Variants in CLASP2 observed in about 807,000 individuals in gnomAD.
CLASP2 encodes the protein cytoplasmic linker associated protein 2.
Under a neutral mutation model 194.4 loss-of-function variants are expected in CLASP2, and 47 were observed. That is an observed-to-expected ratio of 0.24 (90% confidence interval 0.19 to 0.31). CLASP2 has a LOEUF of 0.31. Among genes scored for constraint, CLASP2 ranks in the 10% least tolerant of loss-of-function variants. The probability of loss-of-function intolerance (pLI) is 1.00; values close to 1 mark genes in which losing one functional copy is unlikely to be tolerated. For missense variants in CLASP2, 1,445 were observed against 1,823.6 expected (o/e 0.79, Z 3.78); for synonymous variants, 619 against 633.5 (o/e 0.98, Z 0.34).
At chr3:33,543,287 T>C in intron 32 of CLASP2, 146 bp downstream of exon 32, 1 of 572,090 alleles carries the variant, frequency 1.7e-6, no homozygotes. Flanking sequence ...GCAGGAGAAC[T>C]GCTTGAACCT....
intron 23 of CLASP2, among the ~76,000 whole-genome samples, chr3:33,579,557 T>C (rs2065577901): frequency 6.6e-6 from 1 of 152,076 alleles, no homozygotes; most frequent in South Asian, 2.1e-4. Context: ...GTTTCTAGGG[T>C]AAGTGATTAG....
intron 1 of CLASP2, among the ~76,000 whole-genome samples, chr3:33,714,283 T>G (rs1021634338): frequency 3.9e-5 from 6 of 152,232 alleles, no homozygotes. Flanking sequence ...TTAGTAAAAG[T>G]CAAATGTCAG....
rs2077228750 is a variant in CLASP2, at chr3:33,622,251, A to G, written c.1065T>C (p.Ala355=). 1 of 1,516,108 alleles carries G rather than the reference A, an allele frequency of 6.6e-7. No homozygotes were observed. The highest frequency in any genetic ancestry group is 8.8e-7 in the Non-Finnish European group (1 of 1,131,282). The allele number at this position is 1,516,108 out of a possible 1,614,324, so 93.9% of individuals were successfully genotyped here. A position where few individuals can be genotyped will look rare whatever the true frequency, so the allele number is the denominator to read the frequency against. The change falls in exon 11 of 39, where the codon GCT becomes GCC. Residue 355 remains alanine (A), a synonymous_variant. Coordinates refer to ENST00000682230, the MANE Select transcript of CLASP2 (RefSeq NM_001365631.1). ...AAAAGCAATCATACTGTGCAGCTCCAGCAACAAGCAGTGATCGAATTTTCT... is the reference window on the plus strand; with the variant it reads ...AAAAGCAATCATACTGTGCAGCTCCGGCAACAAGCAGTGATCGAATTTTCT... ...ALKKIRSLLV[A]GAAQYDCFFQ... is the part of the protein sequence containing the mutation.
At chr3:33,668,047 G>A (rs1559581644) in intron 6 of CLASP2, among the ~76,000 whole-genome samples, 1 of 151,934 alleles carries the variant, frequency 6.6e-6, no homozygotes, top group Admixed American at 6.6e-5. Context: ...GTGAAACCCC[G>A]TCTCTACTAA....
intron 7 of CLASP2, among the ~76,000 whole-genome samples, chr3:33,651,527 A>G (rs1439757401): frequency 6.6e-6 from 1 of 152,062 alleles, no homozygotes; most frequent in Non-Finnish European, 1.5e-5. Flanking sequence ...GAATTCCAAA[A>G]CACAAGTGGT....
intron 14 of CLASP2, among the ~76,000 whole-genome samples, chr3:33,608,077 C>T (rs748386189): frequency 4.6e-5 from 7 of 152,190 alleles, no homozygotes; most frequent in Non-Finnish European, 7.3e-5. Flanking sequence ...CACCAATCAG[C>T]TGCCCACATT....
At chr3:33,647,984 G>A (rs1239256227) in intron 7 of CLASP2, among the ~76,000 whole-genome samples, 1 of 151,598 alleles carries the variant, frequency 6.6e-6, no homozygotes, top group African/African-American at 2.4e-5. Flanking sequence ...AGTGAGCTGA[G>A]ATCGCACCAC....
rs1221784883 is a variant in CLASP2 at position 33,619,586 on chromosome 3, C to T, written c.1317+17G>A. ...GGGGGGAGGAGGCAGCAGTAGAAAA[C>T]GAGAGAGCAAACCTACCCGAATGAT... On this transcript the variant is annotated intron_variant, in intron 12 of 38. Transcript: ENST00000682230. 3.2e-5 allele frequency: 49 copies of T among 1,539,090 alleles called. No homozygotes were observed. The highest frequency in any genetic ancestry group is 1.1e-5 in the Non-Finnish European group (12 of 1,141,888).
intron 29 of CLASP2, among the ~76,000 whole-genome samples, chr3:33,557,148 AT>A (rs1207670208): frequency 2.0e-5 from 3 of 150,920 alleles, no homozygotes; most frequent in Non-Finnish European, 4.4e-5. Flanking sequence ...TAATTTTTGT[AT>A]TTTCAGTAGA....
chr3:33,687,731 T>C (rs2090867323), intron 4 of CLASP2, among the ~76,000 whole-genome samples: 1 of 152,158 alleles, frequency 6.6e-6, no homozygotes, highest in Non-Finnish European at 1.5e-5. Flanking sequence ...GCATAGAACC[T>C]AAAAAAATAA....
rs1170601285 is a variant in CLASP2, at chr3:33,627,291, C to G, written c.943-211G>C. ...TTGTTACCATTTTTGCTATTTCTTC[C>G]CTCATGAATAACTTCAAATATGCTC... On this transcript the variant is annotated intron_variant, in intron 9 of 38. Coordinates refer to ENST00000682230, the MANE Select transcript of CLASP2 (RefSeq NM_001365631.1). 7.5e-6 allele frequency: 4 copies of G among 533,402 alleles called. No homozygotes were observed. The East Asian group carries it at 1.4e-4, about 18-fold the overall frequency. 33.0% of individuals were successfully genotyped at this position (533,402 alleles called of 1,614,324 possible). A position where few individuals can be genotyped will look rare whatever the true frequency, so the allele number is the denominator to read the frequency against.
chr3:33,631,560 G>T (rs2079085275), intron 9 of CLASP2, among the ~76,000 whole-genome samples: 1 of 152,114 alleles, frequency 6.6e-6, no homozygotes, highest in Admixed American at 6.6e-5. Context: ...AGCTGGGCAT[G>T]GTGCAGGGCG....
chr3:33,581,048 A>AT (rs2066005899), intron 23 of CLASP2, among the ~76,000 whole-genome samples: 2 of 151,364 alleles, frequency 1.3e-5, no homozygotes, highest in African/African-American at 4.8e-5. Context: ...AAGAAAAAAA[A>AT]GAAAAAGAAG....
At chr3:33,562,205 CCAGA>C (rs1396957254) in intron 27 of CLASP2, among the ~76,000 whole-genome samples, 3 of 152,258 alleles carry the variant, frequency 2.0e-5, no homozygotes, top group East Asian at 3.9e-4. Context: ...TCTCTGGTCC[CCAGA>C]CAGTGTGTGC....
chr3:33,686,385 C>A (rs1418338893), intron 5 of CLASP2, among the ~76,000 whole-genome samples: 1 of 152,108 alleles, frequency 6.6e-6, no homozygotes. Context: ...CAAGCTTTAC[C>A]GCCTGAACTC....
intron 13 of CLASP2, among the ~76,000 whole-genome samples, chr3:33,609,223 T>C (rs1354076298): frequency 1.3e-5 from 2 of 152,042 alleles, no homozygotes; most frequent in African/African-American, 4.8e-5. Flanking sequence ...GAGGTTGCAG[T>C]GAGCCGAGAT....
intron 30 of CLASP2, 116 bp downstream of exon 30, chr3:33,551,136 T>C: frequency 1.2e-6 from 1 of 848,970 alleles, no homozygotes; most frequent in Non-Finnish European, 1.7e-6. Flanking sequence ...TAAAAAGCTC[T>C]TCATAACTCA....
chr3:33,644,490 C>A, intron 8 of CLASP2: 1 of 360,666 alleles, frequency 2.8e-6, no homozygotes, highest in African/African-American at 2.1e-5. Flanking sequence ...CCCCAAAAAA[C>A]TTCCATAAAT....
intron 1 of CLASP2, among the ~76,000 whole-genome samples, chr3:33,705,708 G>A (rs1469426056): frequency 6.6e-6 from 1 of 152,046 alleles, no homozygotes; most frequent in Non-Finnish European, 1.5e-5. Context: ...GAAAAGACAT[G>A]CAAAAATTAT....
Sources: gnomAD v4.1 joint callset for allele counts (sites outside exome capture counted in the v4.1 genomes callset) on GRCh38, gnomAD v4.1.1 for gene constraint, MANE v1.5 for transcripts, NCBI Gene and HGNC (gene_info 2026-07-23, HGNC 2026-07-21) for gene names.